Variants in PCDHGB7 observed in about 807,000 individuals in gnomAD.
The protein encoded by PCDHGB7 is protocadherin gamma-B7.
A neutral mutation model predicts 61.4 loss-of-function variants in PCDHGB7; 37 were observed. The ratio of observed to expected loss-of-function variants is 0.60; its 90% CI spans 0.46 to 0.79. The LOEUF (loss-of-function observed/expected upper bound fraction) is 0.79. Ranked by LOEUF, PCDHGB7 falls within the 30% of genes least tolerant of loss-of-function variation. The pLI, the probability that PCDHGB7 is intolerant of heterozygous loss-of-function variation, is 0.00. For synonymous variants in PCDHGB7, 464 were observed against 503.5 expected (o/e 0.92, Z 1.05); for missense variants, 1,166 against 1,202.5 (o/e 0.97, Z 0.45).
intron 1 of PCDHGB7, among the ~76,000 whole-genome samples, chr5:141,453,067 C>T (rs1227122711): frequency 1.3e-5 from 2 of 152,024 alleles, no homozygotes; most frequent in Admixed American, 6.6e-5. Flanking sequence ...AGAGTTTTGC[C>T]ACACTCTGGT....
intron 1 of PCDHGB7, chr5:141,422,609 A>G: frequency 6.2e-7 from 1 of 1,613,882 alleles, no homozygotes; most frequent in Non-Finnish European, 8.5e-7. Context: ...TACTCTGCCT[A>G]CATTCCCGAA....
Position 141,489,147 on chromosome 5 carries a change from A to G in PCDHGB7, c.2416-5660A>G. On this transcript the variant is annotated intron_variant, in intron 1 of 3. Coordinates refer to ENST00000398594, the MANE Select transcript of PCDHGB7 (RefSeq NM_018927.4). The surrounding 1 kb of genome is among the most constrained non-coding windows in gnomAD (Gnocchi z 4.5). ...GCAGTTTTTAAGAGGCTGGAAGGAG[A>G]CATAAGAGACTTCAGCTGCTGCATT... The G allele has an allele frequency of 1.2e-6, 1 of 802,676 alleles. No homozygotes were observed. Among genetic ancestry groups the G allele is most frequent in the Non-Finnish European group, 1.9e-6 (1 of 528,868 alleles). 49.7% of individuals were successfully genotyped at this position (802,676 alleles called of 1,614,324 possible). A position where few individuals can be genotyped will look rare whatever the true frequency, so the allele number is the denominator to read the frequency against.
In PCDHGB7 at chr5:141,512,249, T is replaced by A. The variant is rs1159090773; in HGVS notation, c.*1076T>A. 6.6e-6 allele frequency: 1 copy of A among 152,598 alleles called. No individual in the cohort carries two copies. The allele number at this position is 152,598 out of a possible 1,614,324, so 9.5% of individuals were successfully genotyped here. On this transcript the variant is annotated 3_prime_UTR_variant, in exon 4 of 4. Coordinates refer to ENST00000398594, the MANE Select transcript of PCDHGB7 (RefSeq NM_018927.4). Reference sequence around the variant, plus strand: ...CCTTGAGAGGTCAGAGGGGCCTCTGTGGGTGCTGGGTACTCCAGAGGTGCC... The same window carrying A: ...CCTTGAGAGGTCAGAGGGGCCTCTGAGGGTGCTGGGTACTCCAGAGGTGCC...
chr5:141,424,786 T>G (rs1219509852), intron 1 of PCDHGB7: 1 of 152,210 alleles, frequency 6.6e-6, no homozygotes, highest in Non-Finnish European at 1.5e-5. Flanking sequence ...ATTCAGTTCT[T>G]TTATTCAGAC....
chr5:141,508,741 C>G (rs2099871426), intron 3 of PCDHGB7, among the ~76,000 whole-genome samples: 1 of 152,042 alleles, frequency 6.6e-6, no homozygotes, highest in Non-Finnish European at 1.5e-5. Context: ...ACCCCCCACC[C>G]CGCTCTTTCT....
chr5:141,464,517 G>A lies in PCDHGB7; in HGVS notation c.2416-30290G>A, dbSNP rs1487703873. 2.0e-5 allele frequency among the ~76,000 whole-genome samples: 3 copies of A among 151,862 alleles called. No individual in the cohort carries two copies. In the South Asian group the frequency reaches 6.2e-4, roughly 32 times the overall value. On this transcript the variant is annotated intron_variant, in intron 1 of 3. Transcript: ENST00000398594. ...GTGATTGCTGCATCATAAGGTAAAG[G>A]CATATGTAGTTTTGTTAAATATAGC...
chr5:141,508,904 T>C (rs1421450229), intron 3 of PCDHGB7, among the ~76,000 whole-genome samples: 2 of 151,336 alleles, frequency 1.3e-5, no homozygotes, highest in African/African-American at 4.9e-5. Context: ...GGCGGGGCGG[T>C]GGCGGATCTG....
rs371820904 is a variant in PCDHGB7, at chr5:141,418,830, G to T, written c.971G>T (p.Arg324Leu). The T allele has an allele frequency of 2.7e-5, 44 of 1,613,858 alleles. No homozygotes were observed. Among genetic ancestry groups the T allele is most frequent in the Non-Finnish European group, 3.6e-5 (43 of 1,179,866 alleles). ...ACGATAAACATAGAAGCAAAAGACCGAGGATCTCTCTCAACACGGTGTAAA... is the reference window on the plus strand; with the variant it reads ...ACGATAAACATAGAAGCAAAAGACCTAGGATCTCTCTCAACACGGTGTAAA... ...RYTINIEAKD[R>L]GSLSTRCKVI... Residue 324 changes from arginine (R) to leucine (L), a missense_variant, in exon 1 of 4, where the codon CGA (arginine) becomes CTA (leucine). Transcript: ENST00000398594.
chr5:141,422,877 C>A, intron 1 of PCDHGB7: 1 of 1,614,246 alleles, frequency 6.2e-7, no homozygotes. Context: ...TGTCGCTGAG[C>A]CTGTTCGTGC....
rs192227219 is a variant in PCDHGB7 at position 141,501,899 on chromosome 5, A to G, written c.2475-3494A>G. Among the ~76,000 whole-genome samples the G allele has an allele frequency of 1.0e-3, 159 of 152,024 alleles. 1 individual carries two copies. The highest frequency in any genetic ancestry group is 6.8e-3 in the Middle Eastern group (2 of 294). ...TACACTCCTGATCATCATGGTTCCA[A>G]CCCCACTGTTCCACTCAGCTTTGTT... is the stretch of plus-strand genomic sequence containing the variant. On this transcript the variant is annotated intron_variant, in intron 2 of 3. Transcript: ENST00000398594.
At chr5:141,430,573 A>T (rs938248057) in intron 1 of PCDHGB7, 2 of 449,056 alleles carry the variant, frequency 4.5e-6, no homozygotes, top group Non-Finnish European at 7.6e-6. Flanking sequence ...AGAAAAGCGG[A>T]GATCCTGCTC....
intron 1 of PCDHGB7, among the ~76,000 whole-genome samples, chr5:141,424,888 G>C (rs2096846233): frequency 6.6e-6 from 1 of 152,178 alleles, no homozygotes; most frequent in Non-Finnish European, 1.5e-5. Context: ...GACTTATCTA[G>C]GGTTTTTGAT....
At chr5:141,423,841 T>A (rs1413277726) in intron 1 of PCDHGB7, 15 of 1,282,014 alleles carry the variant, frequency 1.2e-5, no homozygotes, top group Non-Finnish European at 1.4e-5. Context: ...ATTACGATAA[T>A]CTTTCAGAAC....
At chr5:141,458,662 C>T (rs948275548) in intron 1 of PCDHGB7, among the ~76,000 whole-genome samples, 3 of 152,064 alleles carry the variant, frequency 2.0e-5, no homozygotes, top group East Asian at 1.9e-4. Flanking sequence ...CTCCACCTCT[C>T]GGGTTCAAGC....
chr5:141,457,045 C>T (rs1489830197), intron 1 of PCDHGB7, among the ~76,000 whole-genome samples: 1 of 152,198 alleles, frequency 6.6e-6, no homozygotes, highest in African/African-American at 2.4e-5. Context: ...GATAGTAAAA[C>T]TTTCATGCTT....
At position 141,431,982 on chromosome 5, in the gene PCDHGB7, T is replaced by G. The variant is rs2097433926; in HGVS notation, c.2415+11708T>G. The G allele has an allele frequency of 6.2e-7, 1 of 1,614,212 alleles. No homozygotes were observed. Among genetic ancestry groups the G allele is most frequent in the African/African-American group, 1.3e-5 (1 of 75,056 alleles). ...AATTACTATAGTTTAGTCACAGACA[T>G]AGTCTTGGATAGGGAACAGGTTCCT... On this transcript the variant is annotated intron_variant, in intron 1 of 3. Transcript: ENST00000398594. The surrounding 1 kb of genome is among the most constrained non-coding windows in gnomAD (Gnocchi z 4.8).
At chr5:141,468,330 C>CAAAAAAAAAAAA (rs533390277) in intron 1 of PCDHGB7, 1 of 79,864 alleles carries the variant, frequency 1.3e-5, no homozygotes, top group African/African-American at 3.9e-5. Context: ...AACTCCATCT[C>CAAAAAAAAAAAA]AAAAAAAAAA....
At position 141,491,660 on chromosome 5, in the gene PCDHGB7, C is replaced by G; in HGVS notation, c.2416-3147C>G. 6.2e-7 allele frequency: 1 copy of G among 1,613,810 alleles called. No individual in the cohort carries two copies. ...ACAGCTCTGGCGCTGGAGCCTGACG[C>G]CATCCGGTCCCGCTCTAATACGCTG... is the stretch of plus-strand genomic sequence containing the variant. On this transcript the variant is annotated intron_variant, in intron 1 of 3. Transcript: ENST00000398594. The surrounding 1 kb of genome is among the most constrained non-coding windows in gnomAD (Gnocchi z 6.9).
Position 141,490,192 on chromosome 5 carries a change from A to C in PCDHGB7, c.2416-4615A>C. 1 of 1,614,182 alleles carries C rather than the reference A, an allele frequency of 6.2e-7. No homozygotes were observed. Among genetic ancestry groups the C allele is most frequent in the South Asian group, 1.1e-5 (1 of 91,082 alleles). On this transcript the variant is annotated intron_variant, in intron 1 of 3. Coordinates refer to ENST00000398594, the MANE Select transcript of PCDHGB7 (RefSeq NM_018927.4). The surrounding 1 kb of genome is among the most constrained non-coding windows in gnomAD (Gnocchi z 5.4). Reference sequence around the variant, plus strand: ...CTTTGAGGAGTCACGTTTCTATGAAATTCATGCAAGAGCCCGTGACCAGGG... The same window carrying C: ...CTTTGAGGAGTCACGTTTCTATGAACTTCATGCAAGAGCCCGTGACCAGGG...
Sources: allele counts gnomAD v4.1 joint callset (sites outside exome capture counted in the v4.1 genomes callset), GRCh38; gene constraint gnomAD v4.1.1; non-coding constraint Gnocchi (gnomAD v3.1); transcripts MANE v1.5; gene names NCBI Gene and HGNC (gene_info 2026-07-23, HGNC 2026-07-21).